MAP4K4: variants seen among roughly 807,000 people sequenced by gnomAD.
MAP4K4 encodes HPK/GCK-like kinase HGK.
MAP4K4 carries 38 observed loss-of-function variants against 189.6 expected under a neutral mutation model. The observed-to-expected ratio is 0.20, with a 90% CI of 0.15 to 0.26. MAP4K4 has a LOEUF of 0.26. Ranked by LOEUF, MAP4K4 falls within the 10% of genes least tolerant of loss-of-function variation. The pLI is 1.00. For missense variants in MAP4K4, 1,054 were observed against 1,726.9 expected (o/e 0.61, Z 6.91); for synonymous variants, 610 against 624.3 (o/e 0.98, Z 0.34).
At chr2:101,802,733 A>T (rs1381902199) in intron 3 of MAP4K4, among the ~76,000 whole-genome samples, 2 of 151,852 alleles carry the variant, frequency 1.3e-5, no homozygotes, top group African/African-American at 4.8e-5. Context: ...CCACCATGCC[A>T]CTAACTGCCT....
intron 10 of MAP4K4, among the ~76,000 whole-genome samples, chr2:101,841,198 C>T (rs572861112): frequency 2.0e-5 from 3 of 152,278 alleles, no homozygotes; most frequent in South Asian, 2.1e-4. Flanking sequence ...GTGACCTCTT[C>T]ATTTTCTTTT....
At chr2:101,827,550 C>T (rs1325615756) in intron 5 of MAP4K4, among the ~76,000 whole-genome samples, 2 of 152,158 alleles carry the variant, frequency 1.3e-5, no homozygotes, top group Admixed American at 6.5e-5. Flanking sequence ...AACCTTTCCT[C>T]ATTTCTCACT....
At chr2:101,792,088 T>C (rs1044702838) in intron 3 of MAP4K4, among the ~76,000 whole-genome samples, 1 of 152,188 alleles carries the variant, frequency 6.6e-6, no homozygotes. Context: ...AACAGTAACT[T>C]CTTGCTTATT....
chr2:101,791,719 G>T (rs1035815622), intron 3 of MAP4K4, among the ~76,000 whole-genome samples: 2 of 152,170 alleles, frequency 1.3e-5, no homozygotes, highest in African/African-American at 4.8e-5. Flanking sequence ...CCTTTGCCTT[G>T]CTCTTTGCTG....
At chr2:101,877,289 C>CT in intron 27 of MAP4K4, 143 bp downstream of exon 27, 1 of 832,446 alleles carries the variant, frequency 1.2e-6, no homozygotes, top group East Asian at 2.7e-5. Flanking sequence ...ATAATGTGAG[C>CT]TGAAGACGTA....
chr2:101,833,093 C>T (rs747211585), intron 7 of MAP4K4, among the ~76,000 whole-genome samples: 6 of 152,016 alleles, frequency 3.9e-5, no homozygotes, highest in Non-Finnish European at 7.4e-5. Context: ...CCTTTGTGTA[C>T]CCTGATAGTA....
Position 101,831,718 on chromosome 2 carries a change from C to A in MAP4K4, c.509-3C>A, listed in dbSNP as rs778402265. ...TTTATCTGCCTTTTTCTTCCTCCCA[C>A]AGTTGACTTTGGTGTGAGTGCTCAG... is the stretch of plus-strand genomic sequence containing the variant. On this transcript the variant is annotated splice_region_variant and splice_polypyrimidine_tract_variant and intron_variant, in intron 6 of 32. Transcript: ENST00000324219. The A allele has an allele frequency of 6.3e-7, 1 of 1,593,298 alleles. No individual in the cohort carries two copies. Among genetic ancestry groups the A allele is most frequent in the Non-Finnish European group, 8.6e-7 (1 of 1,168,656 alleles).
chr2:101,809,514 A>G (rs2095276235), intron 3 of MAP4K4, among the ~76,000 whole-genome samples: 1 of 152,252 alleles, frequency 6.6e-6, no homozygotes, highest in South Asian at 2.1e-4. Flanking sequence ...GAATATAAAT[A>G]AAACTGAAGT....
intron 9 of MAP4K4, 134 bp from the exon 10 acceptor site, chr2:101,839,685 T>C: frequency 1.5e-6 from 1 of 672,484 alleles, no homozygotes; most frequent in Non-Finnish European, 2.5e-6. Flanking sequence ...GTTTCATACA[T>C]TATTCCTATG....
chr2:101,866,125 T>G (rs1052499593), intron 18 of MAP4K4, among the ~76,000 whole-genome samples: 2 of 152,210 alleles, frequency 1.3e-5, no homozygotes. Context: ...AAGAACTGAC[T>G]TGTAGCTGTG....
chr2:101,788,843 A>G (rs1461422326), intron 2 of MAP4K4, among the ~76,000 whole-genome samples: 1 of 151,918 alleles, frequency 6.6e-6, no homozygotes, highest in East Asian at 1.9e-4. Context: ...GTTGCTCCTT[A>G]TGGCTTTATT....
intron 23 of MAP4K4, 58 bp downstream of exon 23, chr2:101,870,473 T>C: frequency 1.2e-6 from 2 of 1,600,302 alleles, no homozygotes; most frequent in South Asian, 1.1e-5. Context: ...ATTAACCCAC[T>C]TGCTCATTCA....
intron 3 of MAP4K4, among the ~76,000 whole-genome samples, chr2:101,815,281 A>C (rs1463228476): frequency 6.6e-6 from 1 of 152,082 alleles, no homozygotes; most frequent in African/African-American, 2.4e-5. Flanking sequence ...TTACTCTGCC[A>C]CTCTGGTTGA....
At chr2:101,837,119 A>G (rs1220912301) in intron 9 of MAP4K4, among the ~76,000 whole-genome samples, 1 of 147,236 alleles carries the variant, frequency 6.8e-6, no homozygotes, top group Non-Finnish European at 1.5e-5. Flanking sequence ...TTTTTTTGAA[A>G]CAGTTCTTAC....
intron 2 of MAP4K4, among the ~76,000 whole-genome samples, chr2:101,713,360 TTA>T (rs2046666440): frequency 3.3e-5 from 5 of 151,910 alleles, no homozygotes; most frequent in East Asian, 2.0e-4. Flanking sequence ...TTTGGGAGGC[TTA>T]GGTGGGCGGA....
At chr2:101,806,633 C>A (rs1326916205) in intron 3 of MAP4K4, among the ~76,000 whole-genome samples, 1 of 152,176 alleles carries the variant, frequency 6.6e-6, no homozygotes. Flanking sequence ...CCGCCTTGGC[C>A]TCCCAAAGTG....
At chr2:101,817,744 C>T (rs1241626105) in intron 3 of MAP4K4, among the ~76,000 whole-genome samples, 1 of 152,198 alleles carries the variant, frequency 6.6e-6, no homozygotes, top group East Asian at 1.9e-4. Context: ...AATCCCAGAA[C>T]TAGCTCATTG....
chr2:101,751,832 C>T (rs2069196413), intron 2 of MAP4K4, among the ~76,000 whole-genome samples: 1 of 152,172 alleles, frequency 6.6e-6, no homozygotes, highest in Non-Finnish European at 1.5e-5. Context: ...GTGGTCTGGA[C>T]AGTGTGTCCC....
chr2:101,744,255 A>T (rs2064138849), intron 2 of MAP4K4, among the ~76,000 whole-genome samples: 1 of 152,226 alleles, frequency 6.6e-6, no homozygotes, highest in Admixed American at 6.5e-5. Flanking sequence ...GATTTTATTT[A>T]ACCTATTTTA....
Sources: gnomAD v4.1 joint callset for allele counts (sites outside exome capture counted in the v4.1 genomes callset) on GRCh38, gnomAD v4.1.1 for gene constraint, MANE v1.5 for transcripts, NCBI Gene and HGNC (gene_info 2026-07-23, HGNC 2026-07-21) for gene names.